The following PPM1H variants were observed in gnomAD, a reference collection of about 807,000 sequenced individuals.
PPM1H encodes the protein protein phosphatase, Mg2+/Mn2+ dependent 1H.
PPM1H carries 27 observed loss-of-function variants against 54.9 expected under a neutral mutation model. The ratio of observed to expected loss-of-function variants is 0.49; its 90% CI spans 0.36 to 0.68. The LOEUF (loss-of-function observed/expected upper bound fraction) is 0.68, where lower values mean the gene tolerates loss of function less well. Ranked by LOEUF, PPM1H falls within the 30% of genes least tolerant of loss-of-function variation. PPM1H has a pLI of 0.00. For synonymous variants in PPM1H, 305 were observed against 270.8 expected (o/e 1.13, Z -1.24); for missense variants, 596 against 667.8 (o/e 0.89, Z 1.19).
At chr12:62,810,395 A>C (rs1408369579) in intron 2 of PPM1H, among the ~76,000 whole-genome samples, 1 of 152,174 alleles carries the variant, frequency 6.6e-6, no homozygotes, top group South Asian at 2.1e-4. Flanking sequence ...ACGAAGAGAC[A>C]TTGCCATCTC....
chr12:62,675,935 T>G (rs143151966), intron 8 of PPM1H, among the ~76,000 whole-genome samples: 60 of 152,358 alleles, frequency 3.9e-4, no homozygotes, highest in African/African-American at 1.4e-3. Flanking sequence ...GCAGTTGTTC[T>G]GGTAGCAAGA....
At chr12:62,870,147 C>G (rs751170457) in intron 1 of PPM1H, among the ~76,000 whole-genome samples, 1 of 152,040 alleles carries the variant, frequency 6.6e-6, no homozygotes, top group Non-Finnish European at 1.5e-5. Context: ...AACTCTATGA[C>G]AAAAATATGG....
intron 9 of PPM1H, among the ~76,000 whole-genome samples, chr12:62,666,378 A>G (rs201220877): frequency 7.8e-6 from 1 of 127,620 alleles, no homozygotes. Context: ...CTCGAGAGGT[A>G]GTTTCTGTTT....
intron 1 of PPM1H, among the ~76,000 whole-genome samples, chr12:62,890,541 T>C (rs1870747176): frequency 6.6e-6 from 1 of 152,148 alleles, no homozygotes; most frequent in Admixed American, 6.5e-5. Context: ...CCTGAACATT[T>C]ACCATCTGTA....
chr12:62,687,967 C>T (rs948375789), intron 8 of PPM1H, among the ~76,000 whole-genome samples: 2 of 148,356 alleles, frequency 1.3e-5, no homozygotes, highest in African/African-American at 5.0e-5. Flanking sequence ...CAACATTGCA[C>T]CACTGCACTC....
chr12:62,714,129 G>A (rs1246809752), intron 6 of PPM1H, among the ~76,000 whole-genome samples: 4 of 152,080 alleles, frequency 2.6e-5, no homozygotes, highest in Non-Finnish European at 4.4e-5. Flanking sequence ...TGATGGAGAC[G>A]TTCTATATCT....
rs1466933814 is a variant in PPM1H, at chr12:62,742,061, C to G, written c.870-4475G>C. On this transcript the variant is annotated intron_variant, in intron 4 of 9. Coordinates refer to ENST00000228705, the MANE Select transcript of PPM1H (RefSeq NM_020700.2). ...TACAAAGGGAAACAAGGCAGTGCCT[C>G]TCTCCTTAGTGGGCAAGGCAGGGAG... Among the ~76,000 whole-genome samples the G allele has an allele frequency of 2.0e-5, 3 of 152,010 alleles. No homozygotes were observed. The East Asian group carries it at 5.8e-4, about 29-fold the overall frequency.
intron 4 of PPM1H, among the ~76,000 whole-genome samples, chr12:62,750,036 A>T (rs1256362275): frequency 1.3e-5 from 2 of 151,812 alleles, no homozygotes; most frequent in Admixed American, 6.6e-5. Context: ...TCAGTCATTA[A>T]TGAAAGGTTT....
intron 6 of PPM1H, among the ~76,000 whole-genome samples, chr12:62,697,307 A>G (rs751795180): frequency 6.6e-6 from 1 of 152,034 alleles, no homozygotes; most frequent in Non-Finnish European, 1.5e-5. Context: ...TTGTAGAGAT[A>G]CGGTTTCACC....
intron 8 of PPM1H, among the ~76,000 whole-genome samples, chr12:62,676,231 C>T (rs183345181): frequency 2.6e-4 from 39 of 152,280 alleles, no homozygotes; most frequent in East Asian, 1.7e-3. Flanking sequence ...ACAATATGGA[C>T]GCATCACAAA....
At chr12:62,770,870 T>G (rs750187418) in intron 4 of PPM1H, among the ~76,000 whole-genome samples, 1 of 151,942 alleles carries the variant, frequency 6.6e-6, no homozygotes, top group Non-Finnish European at 1.5e-5. Flanking sequence ...TTGCCTGGGA[T>G]ACCACTGGAA....
intron 4 of PPM1H, among the ~76,000 whole-genome samples, chr12:62,768,967 A>G (rs1207624289): frequency 1.3e-5 from 2 of 152,062 alleles, no homozygotes; most frequent in Non-Finnish European, 2.9e-5. Flanking sequence ...AACCTGAGAC[A>G]TGTTTGTTTT....
intron 1 of PPM1H, among the ~76,000 whole-genome samples, chr12:62,893,983 C>T (rs969877073): frequency 6.6e-6 from 1 of 152,152 alleles, no homozygotes; most frequent in Non-Finnish European, 1.5e-5. Context: ...GAGAGAGGCT[C>T]AGCCAGACAT....
At chr12:62,868,388 C>T (rs1375173525) in intron 1 of PPM1H, among the ~76,000 whole-genome samples, 3 of 152,152 alleles carry the variant, frequency 2.0e-5, no homozygotes, top group Non-Finnish European at 4.4e-5. Context: ...TTCCCTGCCT[C>T]GGCGACTCAG....
chr12:62,727,612 A>G (rs1175890726), intron 5 of PPM1H, among the ~76,000 whole-genome samples: 3 of 149,316 alleles, frequency 2.0e-5, no homozygotes, highest in Non-Finnish European at 4.5e-5. Flanking sequence ...AAACCTATAA[A>G]TTAGCAGTTG....
At chr12:62,832,824 G>A (rs987236976) in intron 1 of PPM1H, among the ~76,000 whole-genome samples, 1 of 151,980 alleles carries the variant, frequency 6.6e-6, no homozygotes, top group Non-Finnish European at 1.5e-5. Flanking sequence ...TGGGTCAAAG[G>A]TTTACTCTTT....
chr12:62,823,991 C>G (rs145424214), intron 2 of PPM1H, among the ~76,000 whole-genome samples: 1 of 151,460 alleles, frequency 6.6e-6, no homozygotes, highest in Non-Finnish European at 1.5e-5. Context: ...GATTGTATAT[C>G]TAGAAAACCC....
At chr12:62,750,873 A>C (rs1371438720) in intron 4 of PPM1H, among the ~76,000 whole-genome samples, 1 of 152,252 alleles carries the variant, frequency 6.6e-6, no homozygotes, top group East Asian at 1.9e-4. Context: ...CAATGTGTAC[A>C]TCACACAATG....
At chr12:62,871,042 CA>C (rs1195571529) in intron 1 of PPM1H, among the ~76,000 whole-genome samples, 1 of 152,176 alleles carries the variant, frequency 6.6e-6, no homozygotes, top group African/African-American at 2.4e-5. Flanking sequence ...TAAGATCTAG[CA>C]ATTCCACTCC....
Sources: allele counts gnomAD v4.1 joint callset (sites outside exome capture counted in the v4.1 genomes callset), GRCh38; gene constraint gnomAD v4.1.1; transcripts MANE v1.5; gene names NCBI Gene and HGNC (gene_info 2026-07-23, HGNC 2026-07-21).